The following SMARCA4 variants were observed in gnomAD, a reference collection of about 807,000 sequenced individuals.
The protein encoded by SMARCA4 is SWI/SNF-related matrix-associated actin-dependent regulator of chromatin subfamily A member 4.
In SMARCA4, 31 loss-of-function variants were observed where a neutral mutation model predicts 193.9. The observed-to-expected ratio is 0.16, with a 90% confidence interval of 0.12 to 0.22. The LOEUF is 0.22. SMARCA4 is among the 10% of genes least tolerant of loss of function. The pLI is 1.00. For missense variants in SMARCA4, 1,148 were observed against 2,296.0 expected (o/e 0.50, Z 10.22); for synonymous variants, 942 against 933.1 (o/e 1.01, Z -0.17).
At chr19:11,038,392 G>A (rs1404055916) in intron 29 of SMARCA4, among the ~76,000 whole-genome samples, 1 of 152,150 alleles carries the variant, frequency 6.6e-6, no homozygotes, top group Non-Finnish European at 1.5e-5. Context: ...ACATGAGTCT[G>A]GGGGGCACCC....
chr19:10,997,831 A>G (rs985633042), intron 11 of SMARCA4, among the ~76,000 whole-genome samples: 6 of 152,086 alleles, frequency 3.9e-5, no homozygotes, highest in Admixed American at 2.6e-4. Context: ...CCTTACCTCC[A>G]TGTAATTCAT....
At chr19:11,008,220 CATGGT>C in intron 14 of SMARCA4, 197 bp downstream of exon 14, 1 of 558,246 alleles carries the variant, frequency 1.8e-6, no homozygotes, top group Non-Finnish European at 3.4e-6. Context: ...ATTGCATTCG[CATGGT>C]TCACCATATG....
chr19:11,001,943 C>T (rs1243380695), intron 11 of SMARCA4, among the ~76,000 whole-genome samples: 1 of 152,000 alleles, frequency 6.6e-6, no homozygotes, highest in East Asian at 1.9e-4. Flanking sequence ...TTTCAATTAG[C>T]TTTTTAACAA....
chr19:11,041,196 G>T lies in SMARCA4; in HGVS notation c.4171-111G>T, dbSNP rs1343923761. 1 of 1,135,742 alleles carries T rather than the reference G, an allele frequency of 8.8e-7. No individual in the cohort carries two copies. Among genetic ancestry groups the T allele is most frequent in the South Asian group, 1.5e-5 (1 of 68,922 alleles). The allele number at this position is 1,135,742 out of a possible 1,614,324, so 70.4% of individuals were successfully genotyped here. Reference sequence around the variant, plus strand: ...GAGCCAGTCAAGCTGAAGGGAGAGCGGGTGCGGGGGCCCTCCTCCGTGTCC... The same window carrying T: ...GAGCCAGTCAAGCTGAAGGGAGAGCTGGTGCGGGGGCCCTCCTCCGTGTCC... On this transcript the variant is annotated intron_variant, in intron 29 of 34. Coordinates refer to ENST00000344626, the MANE Select transcript of SMARCA4 (RefSeq NM_003072.5). This position sits in a 1 kb window ranked among gnomAD's most constrained non-coding sequence, Gnocchi z 5.6.
rs907459523 is a variant in SMARCA4, at chr19:10,981,491, A to G, written c.-31-2630A>G. 3.9e-5 allele frequency among the ~76,000 whole-genome samples: 6 copies of G among 152,270 alleles called. No homozygotes were observed. In the East Asian group the frequency reaches 1.2e-3, roughly 29 times the overall value. ...TATCCACACGGAGCAGAATCAGGTC[A>G]GATTTTGCCTCCAGATGAATTTCCT... On this transcript the variant is annotated intron_variant, in intron 1 of 34. Coordinates refer to ENST00000344626, the MANE Select transcript of SMARCA4 (RefSeq NM_003072.5).
At position 11,034,648 on chromosome 19, in the gene SMARCA4, G is replaced by C. The variant is rs1396468546; in HGVS notation, c.3952-266G>C. On this transcript the variant is annotated intron_variant, in intron 28 of 34. Transcript: ENST00000344626. The surrounding 1 kb of genome is among the most constrained non-coding windows in gnomAD (Gnocchi z 7.0). The stretch of plus-strand genomic sequence containing the variant: ...ACCAACGCTGGGCCACGCAGCTGCT[G>C]CCCCCCTGCTGGGGTCTGCAGCCCT... Among the ~76,000 whole-genome samples, 4 of 152,284 alleles carry C rather than the reference G, an allele frequency of 2.6e-5. No homozygotes were observed. The highest frequency in any genetic ancestry group is 3.4e-3 in the Middle Eastern group (1 of 294).
In SMARCA4 at chr19:11,030,643, C is replaced by T. The variant is rs2074861653; in HGVS notation, c.3383-87C>T. The T allele has an allele frequency of 7.9e-7, 1 of 1,258,744 alleles. No homozygotes were observed. The highest frequency in any genetic ancestry group is 1.1e-6 in the Non-Finnish European group (1 of 887,508). The allele number at this position is 1,258,744 out of a possible 1,614,324, so 78.0% of individuals were successfully genotyped here. A position where few individuals can be genotyped will look rare whatever the true frequency, so the allele number is the denominator to read the frequency against. On this transcript the variant is annotated intron_variant, in intron 24 of 34. Transcript: ENST00000344626. The surrounding 1 kb of genome is among the most constrained non-coding windows in gnomAD (Gnocchi z 5.5). The stretch of plus-strand genomic sequence containing the variant: ...GATGCTGGCAGGTGCTGATCCTGCT[C>T]CTGCTCTCAGAAGCAGGTGTTCCTT...
At chr19:11,051,404 C>T (rs1036715890) in intron 30 of SMARCA4, among the ~76,000 whole-genome samples, 2 of 152,058 alleles carry the variant, frequency 1.3e-5, no homozygotes, top group African/African-American at 4.8e-5. Flanking sequence ...CCTTGGAACT[C>T]GGAGCAGCCC....
intron 1 of SMARCA4, among the ~76,000 whole-genome samples, chr19:10,963,916 C>T (rs529650982): frequency 1.3e-5 from 2 of 151,766 alleles, no homozygotes; most frequent in African/African-American, 2.4e-5. Context: ...GCCTGGGTGA[C>T]GAAGCGAGAC....
intron 11 of SMARCA4, among the ~76,000 whole-genome samples, chr19:11,000,583 CAA>C (rs1330869895): frequency 6.7e-6 from 1 of 150,278 alleles, no homozygotes; most frequent in Non-Finnish European, 1.5e-5. Context: ...CTGGAGGACT[CAA>C]GAAAAAAGTA....
In SMARCA4 at chr19:11,019,723, TGCCAG is replaced by T. The variant is rs748805510; in HGVS notation, c.2616+27_2616+31del. 6.5e-7 allele frequency: 1 copy of T among 1,537,848 alleles called. No individual in the cohort carries two copies. The highest frequency in any genetic ancestry group is 1.4e-5 in the African/African-American group (1 of 73,480). ...CAAGGTAACGTGTCCCTGTGGGAAA[TGCCAG>T]GCCATGGGCCGAGTGCTCACACGTG... On this transcript the variant is annotated intron_variant, in intron 18 of 34. Coordinates refer to ENST00000344626, the MANE Select transcript of SMARCA4 (RefSeq NM_003072.5). The surrounding 1 kb of genome is among the most constrained non-coding windows in gnomAD (Gnocchi z 6.1).
At chr19:11,018,223 C>G (rs2089541064) in intron 16 of SMARCA4, 2 of 161,264 alleles carry the variant, frequency 1.2e-5, no homozygotes, top group Non-Finnish European at 2.8e-5. Flanking sequence ...GCTTCCCTCC[C>G]CCACTGAAAA....
In SMARCA4 at chr19:11,041,138, AC is replaced by A; in HGVS notation, c.4171-165del. 2 of 684,802 alleles carry A rather than the reference AC, an allele frequency of 2.9e-6. No individual in the cohort carries two copies. Among genetic ancestry groups the A allele is most frequent in the Non-Finnish European group, 5.0e-6 (2 of 401,570 alleles). The allele number at this position is 684,802 out of a possible 1,614,324, so 42.4% of individuals were successfully genotyped here. Reference sequence around the variant, plus strand: ...GCTGGTCTTTCACTGCAGCCCAGGCACCCCTTGAGAGTCCCAGTGTGTGTTA... The same window carrying A: ...GCTGGTCTTTCACTGCAGCCCAGGCACCCTTGAGAGTCCCAGTGTGTGTTA... On this transcript the variant is annotated intron_variant, in intron 29 of 34. Transcript: ENST00000344626. The surrounding 1 kb of genome is among the most constrained non-coding windows in gnomAD (Gnocchi z 5.6).
At chr19:11,025,134 G>A (rs1166137093) in intron 21 of SMARCA4, among the ~76,000 whole-genome samples, 4 of 152,176 alleles carry the variant, frequency 2.6e-5, no homozygotes, top group Non-Finnish European at 5.9e-5. Flanking sequence ...ACAAAGCATC[G>A]GGGACTCTGC....
intron 1 of SMARCA4, among the ~76,000 whole-genome samples, chr19:10,969,633 T>C (rs2084523154): frequency 6.6e-6 from 1 of 151,924 alleles, no homozygotes; most frequent in South Asian, 2.1e-4. Context: ...TTTCTCCGTG[T>C]TGGTCAGGCT....
chr19:10,994,727 G>A, intron 8 of SMARCA4, 101 bp from the exon 9 acceptor site: 1 of 1,040,742 alleles, frequency 9.6e-7, no homozygotes, highest in South Asian at 1.3e-5. Context: ...CCAAAGCGCT[G>A]GGATTACAGG....
chr19:11,029,220 G>A (rs139479194), intron 24 of SMARCA4, among the ~76,000 whole-genome samples: 115 of 152,252 alleles, frequency 7.6e-4, no homozygotes, highest in African/African-American at 2.6e-3. Flanking sequence ...CTCTCCTACG[G>A]TCTCTCCAGC....
chr19:11,002,630 T>C (rs2087747020), intron 11 of SMARCA4, among the ~76,000 whole-genome samples: 1 of 151,998 alleles, frequency 6.6e-6, no homozygotes, highest in Admixed American at 6.6e-5. Context: ...GCTATGAGTG[T>C]CTGGACTATT....
chr19:11,043,999 AAAG>A (rs1334056515), intron 30 of SMARCA4, among the ~76,000 whole-genome samples: 10 of 152,278 alleles, frequency 6.6e-5, no homozygotes, highest in Non-Finnish European at 1.5e-4. Flanking sequence ...AAAAACAAAA[AAAG>A]GGAATTCGCA....
Sources: gnomAD v4.1 joint callset for allele counts (sites outside exome capture counted in the v4.1 genomes callset) on GRCh38, gnomAD v4.1.1 for gene constraint, Gnocchi (gnomAD v3.1) non-coding constraint, MANE v1.5 for transcripts, NCBI Gene and HGNC (gene_info 2026-07-23, HGNC 2026-07-21) for gene names.